Variants in DDC observed in about 807,000 individuals in gnomAD.
DDC encodes the protein aromatic-L-amino-acid decarboxylase.
DDC carries 43 observed loss-of-function variants against 60.0 expected under a neutral mutation model. The observed-to-expected ratio is 0.72, with a 90% CI of 0.56 to 0.92. The LOEUF (loss-of-function observed/expected upper bound fraction) is 0.92, where lower values mean the gene tolerates loss of function less well. DDC is among the 40% of genes least tolerant of loss of function. The pLI is 0.00. For synonymous variants in DDC, 232 were observed against 234.6 expected (o/e 0.99, Z 0.10); for missense variants, 573 against 620.2 (o/e 0.92, Z 0.81).
At chr7:50,506,016 G>T (rs1223813777) in intron 6 of DDC, among the ~76,000 whole-genome samples, 1 of 152,240 alleles carries the variant, frequency 6.6e-6, no homozygotes, top group African/African-American at 2.4e-5. Flanking sequence ...GCAGAGGGGT[G>T]GGGGAAAAAC....
chr7:50,491,412 G>A (rs1562998379), intron 9 of DDC, among the ~76,000 whole-genome samples: 1 of 152,092 alleles, frequency 6.6e-6, no homozygotes, highest in East Asian at 1.9e-4. Flanking sequence ...TCCTAACCAC[G>A]TGGGACCTGT....
At chr7:50,557,872 G>C (rs545558738) in intron 1 of DDC, among the ~76,000 whole-genome samples, 54 of 152,238 alleles carry the variant, frequency 3.5e-4, no homozygotes, top group African/African-American at 1.2e-3. Context: ...CCACCATCAG[G>C]CATTGAGCAT....
intron 11 of DDC, among the ~76,000 whole-genome samples, chr7:50,472,512 C>T (rs2042556366): frequency 1.3e-5 from 2 of 152,148 alleles, no homozygotes; most frequent in African/African-American, 4.8e-5. Context: ...GCAGTTTCCT[C>T]ATCCAAATAG....
chr7:50,488,251 A>G (rs1480258445), intron 9 of DDC, among the ~76,000 whole-genome samples: 2 of 151,988 alleles, frequency 1.3e-5, no homozygotes, highest in Non-Finnish European at 2.9e-5. Context: ...ATATTGCTTA[A>G]ATGTCTGGGT....
At chr7:50,495,491 A>G in intron 8 of DDC, 74 bp from the exon 9 acceptor site, 4 of 1,215,250 alleles carry the variant, frequency 3.3e-6, no homozygotes, top group East Asian at 5.1e-5. Context: ...GACCCCATAC[A>G]TGATAATAAA....
intron 11 of DDC, among the ~76,000 whole-genome samples, chr7:50,473,547 C>G (rs985163123): frequency 6.6e-6 from 1 of 152,234 alleles, no homozygotes; most frequent in East Asian, 1.9e-4. Flanking sequence ...CATCTCCAGC[C>G]CTCTCTAGGA....
Position 50,467,139 on chromosome 7 carries a change from C to G in DDC, c.1242+75G>C, listed in dbSNP as rs546283697. The stretch of plus-strand genomic sequence containing the variant: ...TGGAGAGCCAGTGCCAGTGTTTGAG[C>G]ATGGAGGTAATGAACAACACTTTCC... On this transcript the variant is annotated intron_variant, in intron 13 of 14. Transcript: ENST00000444124. The G allele has an allele frequency of 2.3e-6, 3 of 1,296,762 alleles. No homozygotes were observed. In the South Asian group the frequency reaches 3.6e-5, roughly 15 times the overall value. The allele number at this position is 1,296,762 out of a possible 1,614,324, so 80.3% of individuals were successfully genotyped here.
chr7:50,535,155 T>C (rs1013267506), intron 4 of DDC, among the ~76,000 whole-genome samples: 12 of 152,054 alleles, frequency 7.9e-5, no homozygotes, highest in African/African-American at 2.4e-4. Flanking sequence ...CGTTTTCTTT[T>C]CTTTCTTTTT....
intron 2 of DDC, chr7:50,542,845 TACTGAGAA>T (rs1463263285): frequency 6.6e-6 from 1 of 152,252 alleles, no homozygotes; most frequent in African/African-American, 2.4e-5. Flanking sequence ...GGCGCTCAGC[TACTGAGAA>T]ACCAGTCCCT....
intron 10 of DDC, among the ~76,000 whole-genome samples, chr7:50,478,019 T>C (rs1585154021): frequency 6.7e-6 from 1 of 148,804 alleles, no homozygotes; most frequent in East Asian, 2.0e-4. Flanking sequence ...TTTGGCAACA[T>C]GGTGAAACCC....
intron 2 of DDC, 46 bp downstream of exon 2, chr7:50,543,839 T>C (rs2044713812): frequency 6.4e-7 from 1 of 1,561,974 alleles, no homozygotes. Flanking sequence ...GTAGGTGCTA[T>C]GTGAGTTCTA....
chr7:50,515,487 G>A (rs1052213017), intron 6 of DDC, among the ~76,000 whole-genome samples: 4 of 151,986 alleles, frequency 2.6e-5, no homozygotes, highest in Non-Finnish European at 4.4e-5. Flanking sequence ...GACCTATAAA[G>A]CAAAAATACA....
At chr7:50,492,177 A>G (rs1444946204) in intron 9 of DDC, among the ~76,000 whole-genome samples, 3 of 152,206 alleles carry the variant, frequency 2.0e-5, no homozygotes, top group Non-Finnish European at 2.9e-5. Flanking sequence ...TCTAGGACTG[A>G]GATAAATCAT....
intron 6 of DDC, among the ~76,000 whole-genome samples, chr7:50,507,807 G>A (rs930903723): frequency 3.3e-5 from 5 of 152,100 alleles, no homozygotes; most frequent in South Asian, 2.1e-4. Context: ...TGTTCTTTGC[G>A]GCTAACTCTG....
chr7:50,541,601 A>C (rs1010030111), intron 2 of DDC, among the ~76,000 whole-genome samples: 2 of 152,194 alleles, frequency 1.3e-5, no homozygotes, highest in African/African-American at 4.8e-5. Flanking sequence ...ACGTGAGTAC[A>C]CACTGGGAAG....
intron 14 of DDC, among the ~76,000 whole-genome samples, chr7:50,462,446 T>C (rs967073126): frequency 1.3e-5 from 2 of 152,168 alleles, no homozygotes; most frequent in Admixed American, 6.5e-5. Context: ...GGTTTAACTA[T>C]GAGGGGTAAA....
intron 9 of DDC, among the ~76,000 whole-genome samples, chr7:50,494,810 C>T (rs1167709230): frequency 6.6e-6 from 1 of 151,884 alleles, no homozygotes; most frequent in Non-Finnish European, 1.5e-5. Context: ...TACAGGCATG[C>T]ACTACCACAC....
At chr7:50,463,552 A>C in intron 13 of DDC, 121 bp from the exon 14 acceptor site, 1 of 835,534 alleles carries the variant, frequency 1.2e-6, no homozygotes, top group Non-Finnish European at 2.0e-6. Context: ...CCGACTAACC[A>C]TCCCCCTTGC....
intron 6 of DDC, among the ~76,000 whole-genome samples, chr7:50,518,424 T>C (rs1292793410): frequency 7.9e-5 from 12 of 152,094 alleles, no homozygotes; most frequent in Admixed American, 5.2e-4. Flanking sequence ...AGAGCCAGCA[T>C]AGTCAAAGCA....
Sources: gnomAD v4.1 joint callset for allele counts (sites outside exome capture counted in the v4.1 genomes callset) on GRCh38, gnomAD v4.1.1 for gene constraint, MANE v1.5 for transcripts, NCBI Gene and HGNC (gene_info 2026-07-23, HGNC 2026-07-21) for gene names.